CWC27: variants seen among roughly 807,000 people sequenced by gnomAD.
The protein encoded by CWC27 is spliceosome-associated protein CWC27 homolog.
In CWC27, 47 loss-of-function variants were observed where a neutral mutation model predicts 63.6. The observed-to-expected ratio is 0.74, with a 90% CI of 0.58 to 0.94. CWC27 has a LOEUF of 0.94. Among genes scored for constraint, CWC27 ranks in the 40% least tolerant of loss-of-function variants. CWC27 has a pLI of 0.00. For missense variants in CWC27, 495 were observed against 554.3 expected, an observed-to-expected ratio of 0.89 and a Z score of 1.07; for synonymous variants, 175 against 179.8, an observed-to-expected ratio of 0.97 and a Z score of 0.22.
At chr5:64,906,219 G>A (rs1167171271) in intron 11 of CWC27, among the ~76,000 whole-genome samples, 1 of 152,136 alleles carries the variant, frequency 6.6e-6, no homozygotes, top group Non-Finnish European at 1.5e-5. Flanking sequence ...TGGGTCAAAT[G>A]GTATTTCTAG....
chr5:64,894,177 C>A (rs1007048013), intron 11 of CWC27, among the ~76,000 whole-genome samples: 1 of 152,116 alleles, frequency 6.6e-6, no homozygotes, highest in Non-Finnish European at 1.5e-5. Context: ...ATCCACCCGC[C>A]TTAGCCTCCC....
intron 10 of CWC27, among the ~76,000 whole-genome samples, chr5:64,843,445 C>T (rs1202432232): frequency 6.6e-6 from 1 of 152,184 alleles, no homozygotes; most frequent in Non-Finnish European, 1.5e-5. Flanking sequence ...AATTAACTCA[C>T]ATTGAGACAG....
intron 11 of CWC27, among the ~76,000 whole-genome samples, chr5:64,909,450 T>G (rs936786736): frequency 6.6e-6 from 1 of 152,190 alleles, no homozygotes; most frequent in African/African-American, 2.4e-5. Flanking sequence ...TTTGTGGTGT[T>G]CTCTGTATTT....
rs1743893211 is a variant in CWC27, at chr5:64,786,555, C to G, written c.527C>G (p.Pro176Arg). ...VLFNPFDDIIPREIKRLKKEK... is the reference protein window; with the variant it reads ...VLFNPFDDIIRREIKRLKKEK... ...TTTAATCCTTTTGATGACATCATTCCAAGGGAAATTAAAAGGCTGAAAAAA... is the reference window on the plus strand; with the variant it reads ...TTTAATCCTTTTGATGACATCATTCGAAGGGAAATTAAAAGGCTGAAAAAA... The change falls in exon 6 of 14, where the codon CCA (proline) becomes CGA (arginine). Residue 176 changes from proline to arginine, a missense_variant. This residue lies in a region of CWC27 where 463 missense variants were observed against 498.1 expected (regional missense o/e 0.93). Coordinates refer to ENST00000381070, the MANE Select transcript of CWC27 (RefSeq NM_005869.4). 6.3e-7 allele frequency: 1 copy of G among 1,578,732 alleles called. No homozygotes were observed. The highest frequency in any genetic ancestry group is 1.8e-5 in the Admixed American group (1 of 54,068).
chr5:64,867,124 CACCATTGT>C (rs985102754), intron 10 of CWC27, among the ~76,000 whole-genome samples: 25 of 152,194 alleles, frequency 1.6e-4, no homozygotes, highest in African/African-American at 6.0e-4. Flanking sequence ...AAACTCCCAA[CACCATTGT>C]GGATATTCCT....
intron 11 of CWC27, among the ~76,000 whole-genome samples, chr5:64,894,116 G>C (rs1294775565): frequency 6.6e-6 from 1 of 152,012 alleles, no homozygotes; most frequent in African/African-American, 2.4e-5. Context: ...TTTTAGTAGA[G>C]ACGGGGTTTC....
intron 13 of CWC27, among the ~76,000 whole-genome samples, chr5:65,001,633 T>C (rs191840866): frequency 3.9e-5 from 6 of 152,298 alleles, no homozygotes. Context: ...TTGATTTGTG[T>C]ATGTTGAACC....
intron 11 of CWC27, among the ~76,000 whole-genome samples, chr5:64,916,921 G>GTAGTAGTAT (rs1747900797): frequency 6.6e-6 from 1 of 151,584 alleles, no homozygotes; most frequent in Non-Finnish European, 1.5e-5. Context: ...AGTAGTAGTA[G>GTAGTAGTAT]TAGTAGTAGC....
chr5:64,892,945 A>T (rs1747276624), intron 11 of CWC27, among the ~76,000 whole-genome samples: 1 of 152,248 alleles, frequency 6.6e-6, no homozygotes, highest in Admixed American at 6.5e-5. Flanking sequence ...CTGGCCACTA[A>T]AAATTCTGCA....
chr5:64,977,316 T>C, intron 13 of CWC27, 78 bp downstream of exon 13: 1 of 939,658 alleles, frequency 1.1e-6, no homozygotes, highest in Non-Finnish European at 1.6e-6. Flanking sequence ...ATTTCCACTA[T>C]ATCATCCTTT....
At chr5:64,972,801 C>A in intron 12 of CWC27, 1 of 397,644 alleles carries the variant, frequency 2.5e-6, no homozygotes, top group Non-Finnish European at 5.0e-6. Context: ...TATTAAGAAC[C>A]TGCCATGTAC....
At chr5:64,774,470 TC>T (rs1743369908) in intron 1 of CWC27, among the ~76,000 whole-genome samples, 1 of 152,178 alleles carries the variant, frequency 6.6e-6, no homozygotes, top group African/African-American at 2.4e-5. Context: ...TTTTCTTAAA[TC>T]CCAAACTTTT....
At chr5:64,892,669 T>C (rs1464073395) in intron 11 of CWC27, among the ~76,000 whole-genome samples, 2 of 152,162 alleles carry the variant, frequency 1.3e-5, no homozygotes, top group Admixed American at 6.5e-5. Context: ...TTTAGGAGTA[T>C]GTCTTCTTAA....
intron 10 of CWC27, among the ~76,000 whole-genome samples, chr5:64,846,710 T>C (rs1404513800): frequency 6.6e-6 from 1 of 151,624 alleles, no homozygotes; most frequent in Non-Finnish European, 1.5e-5. Flanking sequence ...AAAATGGCAA[T>C]AGGCCGGGCA....
At chr5:65,017,718 G>A (rs987098638) in intron 13 of CWC27, among the ~76,000 whole-genome samples, 1 of 152,148 alleles carries the variant, frequency 6.6e-6, no homozygotes, top group Non-Finnish European at 1.5e-5. Flanking sequence ...CCCAACTCTT[G>A]ACCCATGTAA....
chr5:64,996,652 A>G (rs1303187062), intron 13 of CWC27, among the ~76,000 whole-genome samples: 3 of 152,140 alleles, frequency 2.0e-5, no homozygotes, highest in Admixed American at 6.5e-5. Context: ...TAGAAGTGAT[A>G]GTGTTCAGAC....
chr5:64,848,198 A>T (rs1225754908), intron 10 of CWC27, among the ~76,000 whole-genome samples: 1 of 152,160 alleles, frequency 6.6e-6, no homozygotes, highest in African/African-American at 2.4e-5. Flanking sequence ...GATACCATGG[A>T]AATACCAAAG....
At position 64,769,089 on chromosome 5, in the gene CWC27, G is replaced by GTGGC; in HGVS notation, c.-57_-54dup. ...GTGTACTCGTAGGCGGACAGCTTTA[G>GTGGC]TGGCCGGCCGGCCGCTCTCATCCCC... On this transcript the variant is annotated 5_prime_UTR_variant, in exon 1 of 14. Transcript: ENST00000381070. 1 of 1,483,460 alleles carries GTGGC rather than the reference G, an allele frequency of 6.7e-7. No individual in the cohort carries two copies. The highest frequency in any genetic ancestry group is 9.4e-7 in the Non-Finnish European group (1 of 1,063,860). 91.9% of individuals were successfully genotyped at this position (1,483,460 alleles called of 1,614,324 possible). A position where few individuals can be genotyped will look rare whatever the true frequency, so the allele number is the denominator to read the frequency against.
intron 10 of CWC27, among the ~76,000 whole-genome samples, chr5:64,878,403 A>G (rs543919345): frequency 1.4e-5 from 2 of 141,800 alleles, no homozygotes; most frequent in South Asian, 4.6e-4. Context: ...TGGTTGTAGT[A>G]TATTTTGAAT....
Sources: gnomAD v4.1 joint callset for allele counts (sites outside exome capture counted in the v4.1 genomes callset) on GRCh38, gnomAD v4.1.1 for gene constraint, gnomAD v4.1.1 regional missense constraint, MANE v1.5 for transcripts, NCBI Gene and HGNC (gene_info 2026-07-23, HGNC 2026-07-21) for gene names.